The following ANXA8 variants were observed in gnomAD, a reference collection of about 807,000 sequenced individuals.
ANXA8 encodes the protein annexin A8.
ANXA8 carries 9 observed loss-of-function variants against 26.8 expected under a neutral mutation model. The ratio of observed to expected loss-of-function variants is 0.34; its 90% CI spans 0.20 to 0.59. The LOEUF is 0.59. Among genes scored for constraint, ANXA8 ranks in the 20% least tolerant of loss-of-function variants. The pLI, the probability that ANXA8 is intolerant of heterozygous loss-of-function variation, is 0.84. For synonymous variants in ANXA8, 39 were observed against 94.8 expected, an observed-to-expected ratio of 0.41 and a Z score of 3.42; for missense variants, 83 against 238.5, an observed-to-expected ratio of 0.35 and a Z score of 4.29.
chr10:47,616,303 G>A, the ANXA8 span, among the ~76,000 whole-genome samples: 2 of 61,546 alleles, frequency 3.2e-5, no homozygotes, highest in African/African-American at 9.2e-5. Flanking sequence ...TGCTTCTGTC[G>A]GGAGTGAATC....
the ANXA8 span, among the ~76,000 whole-genome samples, chr10:47,570,835 A>C: frequency 6.7e-6 from 1 of 148,682 alleles, no homozygotes; most frequent in African/African-American, 2.5e-5. Flanking sequence ...GTCATGAAAT[A>C]AATGTCATGA....
At chr10:47,701,345 A>G in the ANXA8 span, among the ~76,000 whole-genome samples, 28 of 151,790 alleles carry the variant, frequency 1.8e-4, no homozygotes, top group Middle Eastern at 3.4e-3. Flanking sequence ...CTTAGCTTTC[A>G]ACCTAGCAAT....
the ANXA8 span, chr10:47,750,746 A>AATTTT: frequency 3.4e-5 from 5 of 147,930 alleles, no homozygotes; most frequent in South Asian, 2.2e-4. Flanking sequence ...CTTAAATCTA[A>AATTTT]ATTTTATTTT....
the ANXA8 span, among the ~76,000 whole-genome samples, chr10:47,622,919 T>C: frequency 8.8e-6 from 1 of 113,330 alleles, no homozygotes; most frequent in African/African-American, 3.4e-5. Context: ...TTGCCAATTG[T>C]CTACTGTGTG....
At chr10:47,749,939 C>G in the ANXA8 span, among the ~76,000 whole-genome samples, 1 of 151,514 alleles carries the variant, frequency 6.6e-6, no homozygotes, top group Non-Finnish European at 1.5e-5. Context: ...GAAAAAAATA[C>G]CATTGTGAGT....
At chr10:47,687,072 C>T in the ANXA8 span, among the ~76,000 whole-genome samples, 27 of 150,192 alleles carry the variant, frequency 1.8e-4, no homozygotes, top group Non-Finnish European at 3.0e-5. Flanking sequence ...CCATTGCACT[C>T]CAGCCTGGGT....
At chr10:47,716,369 A>G in the ANXA8 span, among the ~76,000 whole-genome samples, 1 of 98,912 alleles carries the variant, frequency 1.0e-5, no homozygotes, top group Non-Finnish European at 1.9e-5. Flanking sequence ...GCAAATACCT[A>G]TTTTTTATTA....
chr10:47,515,807 T>C, the ANXA8 span, among the ~76,000 whole-genome samples: 93 of 128,502 alleles, frequency 7.2e-4, 5 homozygotes, highest in South Asian at 4.6e-3. Flanking sequence ...GATAATACAC[T>C]GAGGTCTCCC....
the ANXA8 span, among the ~76,000 whole-genome samples, chr10:47,586,544 C>T: frequency 6.9e-5 from 10 of 145,394 alleles, no homozygotes; most frequent in Admixed American, 2.0e-4. Context: ...GAGGCTTATC[C>T]GCATCAAAGT....
chr10:47,562,786 A>G, the ANXA8 span, among the ~76,000 whole-genome samples: 1 of 147,222 alleles, frequency 6.8e-6, no homozygotes, highest in African/African-American at 2.5e-5. Context: ...TGGCTTTCTC[A>G]TCTTCAAATT....
the ANXA8 span, among the ~76,000 whole-genome samples, chr10:47,743,343 T>TATATATAC: frequency 2.3e-3 from 34 of 14,770 alleles, 1 homozygote; most frequent in East Asian, 0.028. Context: ...TATATATACA[T>TATATATAC]ATATATATAT....
At chr10:47,621,631 T>A in the ANXA8 span, among the ~76,000 whole-genome samples, 1 of 107,904 alleles carries the variant, frequency 9.3e-6, no homozygotes. Context: ...TCTAGCGGAT[T>A]ACTGTCTTCT....
chr10:47,952,622 T>G, the ANXA8 span, among the ~76,000 whole-genome samples: 1 of 146,784 alleles, frequency 6.8e-6, no homozygotes, highest in Admixed American at 6.7e-5. Flanking sequence ...CTCCTGATTT[T>G]TGGTTGAAAT....
At chr10:47,632,599 CAT>C in the ANXA8 span, among the ~76,000 whole-genome samples, 2 of 142,776 alleles carry the variant, frequency 1.4e-5, no homozygotes, top group East Asian at 2.0e-4. Context: ...AGCTATCCCA[CAT>C]GTTATTATAA....
chr10:47,693,058 T>C, the ANXA8 span, among the ~76,000 whole-genome samples: 1 of 151,796 alleles, frequency 6.6e-6, no homozygotes, highest in Non-Finnish European at 1.5e-5. Flanking sequence ...ACCGAAGACA[T>C]CTAACATTGT....
At chr10:47,606,125 A>G in the ANXA8 span, among the ~76,000 whole-genome samples, 1 of 139,072 alleles carries the variant, frequency 7.2e-6, no homozygotes, top group Non-Finnish European at 1.5e-5. Context: ...ACTTTAAGCA[A>G]GAACTCTCAG....
chr10:47,952,416 C>T, the ANXA8 span, among the ~76,000 whole-genome samples: 1 of 150,346 alleles, frequency 6.7e-6, no homozygotes, highest in African/African-American at 2.5e-5. Flanking sequence ...TTAGCAAGGT[C>T]ATAAGATACA....
the ANXA8 span, among the ~76,000 whole-genome samples, chr10:47,665,185 G>A: frequency 6.7e-6 from 1 of 148,402 alleles, no homozygotes; most frequent in Non-Finnish European, 1.5e-5. Context: ...AAAAAACCCA[G>A]GTAAAATGTT....
At chr10:47,979,426 GC>G in the ANXA8 span, among the ~76,000 whole-genome samples, 3 of 151,266 alleles carry the variant, frequency 2.0e-5, no homozygotes, top group South Asian at 4.2e-4. Context: ...AAGAATAGTG[GC>G]CCCCAAAGAT....
Sources: gnomAD v4.1 joint callset for allele counts (sites outside exome capture counted in the v4.1 genomes callset) on GRCh38, gnomAD v4.1.1 for gene constraint, MANE v1.5 for transcripts, NCBI Gene and HGNC (gene_info 2026-07-23, HGNC 2026-07-21) for gene names.